The following DLG2 variants were observed in gnomAD, a reference collection of about 807,000 sequenced individuals.
DLG2 encodes disks large homolog 2.
DLG2 carries 45 observed loss-of-function variants against 132.5 expected under a neutral mutation model. That is an observed-to-expected ratio of 0.34 (90% CI 0.27 to 0.44). DLG2 has a LOEUF of 0.44. Among genes scored for constraint, DLG2 ranks in the 20% least tolerant of loss-of-function variants. The probability of loss-of-function intolerance (pLI) is 1.00; values close to 1 mark genes in which losing one functional copy is unlikely to be tolerated. For synonymous variants in DLG2, 424 were observed against 419.6 expected, an observed-to-expected ratio of 1.01 and a Z score of -0.13; for missense variants, 1,045 against 1,196.9, an observed-to-expected ratio of 0.87 and a Z score of 1.87.
At chr11:84,952,502 A>G (rs1279749158) in intron 6 of DLG2, among the ~76,000 whole-genome samples, 3 of 151,704 alleles carry the variant, frequency 2.0e-5, no homozygotes, top group African/African-American at 4.8e-5. Flanking sequence ...GGGCGACAGA[A>G]CGAGACTCCG....
intron 6 of DLG2, among the ~76,000 whole-genome samples, chr11:84,703,788 T>G (rs540047508): frequency 3.4e-5 from 5 of 148,576 alleles, no homozygotes; most frequent in African/African-American, 1.2e-4. Flanking sequence ...GAAATGTCCA[T>G]AAGAGCTCCT....
At chr11:84,736,850 T>C (rs2063898700) in intron 6 of DLG2, among the ~76,000 whole-genome samples, 1 of 152,004 alleles carries the variant, frequency 6.6e-6, no homozygotes, top group Non-Finnish European at 1.5e-5. Context: ...CTTCCTTTGC[T>C]TCTTTTTCTT....
chr11:85,545,493 C>T (rs1442783013), intron 3 of DLG2, among the ~76,000 whole-genome samples: 1 of 152,132 alleles, frequency 6.6e-6, no homozygotes, highest in African/African-American at 2.4e-5. Flanking sequence ...TAGGATGATG[C>T]TGGCCTCATG....
chr11:83,782,554 T>C (rs1195077690), intron 18 of DLG2, among the ~76,000 whole-genome samples: 1 of 152,146 alleles, frequency 6.6e-6, no homozygotes, highest in Non-Finnish European at 1.5e-5. Flanking sequence ...TGTAGTGGAA[T>C]TGACATCTGT....
At chr11:84,547,606 C>A (rs1340879249) in intron 6 of DLG2, among the ~76,000 whole-genome samples, 1 of 152,186 alleles carries the variant, frequency 6.6e-6, no homozygotes, top group Non-Finnish European at 1.5e-5. Context: ...ACTGCTCAAC[C>A]TTCAAAACTT....
At chr11:84,274,656 T>G (rs1316622691) in intron 7 of DLG2, among the ~76,000 whole-genome samples, 2 of 152,224 alleles carry the variant, frequency 1.3e-5, no homozygotes, top group African/African-American at 4.8e-5. Context: ...TTACCTTCAT[T>G]TCTTTTCAAT....
At chr11:84,420,308 A>G (rs1451365236) in intron 7 of DLG2, among the ~76,000 whole-genome samples, 2 of 152,202 alleles carry the variant, frequency 1.3e-5, no homozygotes, top group African/African-American at 4.8e-5. Context: ...TGCTTAGATA[A>G]CCAACTCTGT....
chr11:85,364,665 C>T (rs1299626772), intron 3 of DLG2, among the ~76,000 whole-genome samples: 1 of 152,122 alleles, frequency 6.6e-6, no homozygotes, highest in Non-Finnish European at 1.5e-5. Context: ...TTGGGGGCCT[C>T]TTCTTGGGGA....
chr11:83,571,690 T>TGA (rs1337852545), intron 19 of DLG2, among the ~76,000 whole-genome samples: 1 of 152,058 alleles, frequency 6.6e-6, no homozygotes, highest in Non-Finnish European at 1.5e-5. Flanking sequence ...GAAATATTAC[T>TGA]GATGAGCGGA....
rs551504021 is a variant in DLG2 at position 84,772,165 on chromosome 11, C to A, written c.358-237434G>T. 4.0e-4 allele frequency among the ~76,000 whole-genome samples: 61 copies of A among 150,742 alleles called. No individual in the cohort carries two copies. The South Asian group carries it at 0.012, about 29-fold the overall frequency. ...ACAACAATAAAAACGACAACAAAAA[C>A]CAAAAAAAAAAGAAGGGCATTACGT... On this transcript the variant is annotated intron_variant, in intron 6 of 27. Coordinates refer to ENST00000376104, the MANE Select transcript of DLG2 (RefSeq NM_001142699.3).
intron 3 of DLG2, chr11:85,453,332 G>T: frequency 4.1e-6 from 1 of 246,404 alleles, no homozygotes. Context: ...CATTCTTAGT[G>T]TAGCCCTATT....
chr11:84,319,571 T>C (rs1041062115), intron 7 of DLG2, among the ~76,000 whole-genome samples: 2 of 152,204 alleles, frequency 1.3e-5, no homozygotes, highest in Non-Finnish European at 2.9e-5. Flanking sequence ...ATCACAACTT[T>C]GTAATGGTGT....
chr11:85,513,101 A>G (rs1208455992), intron 3 of DLG2, among the ~76,000 whole-genome samples: 1 of 152,084 alleles, frequency 6.6e-6, no homozygotes, highest in Non-Finnish European at 1.5e-5. Context: ...AGAGAAAACA[A>G]AACACAGCAT....
intron 6 of DLG2, among the ~76,000 whole-genome samples, chr11:84,916,720 C>A (rs1000924038): frequency 7.2e-5 from 11 of 152,116 alleles, no homozygotes; most frequent in Non-Finnish European, 1.6e-4. Flanking sequence ...TGTGACCCTT[C>A]CGTTCAAAAC....
At position 85,189,508 on chromosome 11, in the gene DLG2, T is replaced by C. The variant is rs192574850; in HGVS notation, c.187-34857A>G. Among the ~76,000 whole-genome samples the C allele has an allele frequency of 1.4e-3, 214 of 152,294 alleles. 1 individual carries two copies. Among genetic ancestry groups the C allele is most frequent in the Admixed American group, 5.2e-4 (8 of 15,294 alleles). ...AAGCTAGTCTCAAAAGATTATATAGTGTATGCTTCCATTTACATATTTTTC... is the reference window on the plus strand; with the variant it reads ...AAGCTAGTCTCAAAAGATTATATAGCGTATGCTTCCATTTACATATTTTTC... On this transcript the variant is annotated intron_variant, in intron 4 of 27. Transcript: ENST00000376104.
intron 6 of DLG2, among the ~76,000 whole-genome samples, chr11:84,809,266 A>G (rs2076309547): frequency 6.6e-6 from 1 of 151,978 alleles, no homozygotes; most frequent in Non-Finnish European, 1.5e-5. Context: ...AAAACTGGGA[A>G]TAGAAGGAAA....
At chr11:83,713,873 C>T (rs117020464) in intron 18 of DLG2, among the ~76,000 whole-genome samples, 3 of 152,222 alleles carry the variant, frequency 2.0e-5, no homozygotes, top group Admixed American at 6.5e-5. Flanking sequence ...AGAGTACTTG[C>T]GAATGTGCAA....
chr11:84,571,239 CTCT>C (rs933082341), intron 6 of DLG2, among the ~76,000 whole-genome samples: 4 of 152,112 alleles, frequency 2.6e-5, no homozygotes, highest in Admixed American at 6.6e-5. Context: ...TCTTTTCTTT[CTCT>C]TCTTTTTTCC....
chr11:85,058,720 A>G lies in DLG2; in HGVS notation c.357+52941T>C, dbSNP rs183784216. Reference sequence around the variant, plus strand: ...TTGAATAGGGTTTAAAAATAGGCCCACTGATATAAGGTTACTTAATATACA... The same window carrying G: ...TTGAATAGGGTTTAAAAATAGGCCCGCTGATATAAGGTTACTTAATATACA... On this transcript the variant is annotated intron_variant, in intron 6 of 27. Coordinates refer to ENST00000376104, the MANE Select transcript of DLG2 (RefSeq NM_001142699.3). Among the ~76,000 whole-genome samples, 8 of 151,644 alleles carry G rather than the reference A, an allele frequency of 5.3e-5. No homozygotes were observed. The East Asian group carries it at 1.2e-3, about 22-fold the overall frequency.
Sources: gnomAD v4.1 joint callset for allele counts (sites outside exome capture counted in the v4.1 genomes callset) on GRCh38, gnomAD v4.1.1 for gene constraint, MANE v1.5 for transcripts, NCBI Gene and HGNC (gene_info 2026-07-23, HGNC 2026-07-21) for gene names.